GRXCR1: variants seen among roughly 807,000 people sequenced by gnomAD.
GRXCR1 encodes the protein glutaredoxin domain-containing cysteine-rich protein 1.
Under a neutral mutation model 27.3 loss-of-function variants are expected in GRXCR1, and 27 were observed. The ratio of observed to expected loss-of-function variants is 0.99; its 90% CI spans 0.73 to 1.37. The LOEUF is 1.37. Ranked by LOEUF, GRXCR1 falls within the 40% of genes most tolerant of loss-of-function variation. GRXCR1 has a pLI of 0.00. For synonymous variants in GRXCR1, 122 were observed against 131.1 expected, an observed-to-expected ratio of 0.93 and a Z score of 0.47; for missense variants, 379 against 354.4, an observed-to-expected ratio of 1.07 and a Z score of -0.56.
chr4:42,938,043 A>G (rs1033489435), intron 1 of GRXCR1, among the ~76,000 whole-genome samples: 1 of 151,930 alleles, frequency 6.6e-6, no homozygotes, highest in Non-Finnish European at 1.5e-5. Flanking sequence ...ATATTTTTGT[A>G]CTCACTGACC....
Position 42,903,308 on chromosome 4 carries a change from ATTTTTTTTTTTTTT to A in GRXCR1, c.384+9673_384+9686del, listed in dbSNP as rs35512711. 2.7e-4 allele frequency among the ~76,000 whole-genome samples: 17 copies of A among 63,228 alleles called. 2 individuals carry two copies. In the South Asian group the frequency reaches 0.013, roughly 48 times the overall value. 41.5% of individuals were successfully genotyped at this position (63,228 alleles called of 152,430 possible). ...AAAAATTTGGGCCACAGCTTTGTAG[ATTTTTTTTTTTTTT>A]TTTTTTTTTTTTTTAGACGGAGTCT... On this transcript the variant is annotated intron_variant, in intron 1 of 3. Coordinates refer to ENST00000399770, the MANE Select transcript of GRXCR1 (RefSeq NM_001080476.3).
chr4:42,979,510 T>A (rs544734556), intron 2 of GRXCR1, among the ~76,000 whole-genome samples: 3 of 152,062 alleles, frequency 2.0e-5, no homozygotes, highest in Non-Finnish European at 4.4e-5. Flanking sequence ...TCAATCATGG[T>A]GAATCTTTTC....
In GRXCR1 at chr4:42,902,173, A is replaced by G. The variant is rs2109738794; in HGVS notation, c.384+8523A>G. Among the ~76,000 whole-genome samples, 3 of 152,322 alleles carry G rather than the reference A, an allele frequency of 2.0e-5. No homozygotes were observed. The South Asian group carries it at 6.2e-4, about 32-fold the overall frequency. ...TGGCAAATTGTCAGTATAGAATAACACCAAGTGAGTCAAAAGAAATGAATT... is the reference window on the plus strand; with the variant it reads ...TGGCAAATTGTCAGTATAGAATAACGCCAAGTGAGTCAAAAGAAATGAATT... On this transcript the variant is annotated intron_variant, in intron 1 of 3. Transcript: ENST00000399770.
At chr4:42,914,774 T>A (rs1449115179) in intron 1 of GRXCR1, among the ~76,000 whole-genome samples, 1 of 152,110 alleles carries the variant, frequency 6.6e-6, no homozygotes, top group Non-Finnish European at 1.5e-5. Flanking sequence ...TTTGGCAGCA[T>A]ATATAATAAT....
At chr4:43,000,592 G>C (rs936121283) in intron 2 of GRXCR1, among the ~76,000 whole-genome samples, 1 of 151,608 alleles carries the variant, frequency 6.6e-6, no homozygotes, top group East Asian at 1.9e-4. Flanking sequence ...TGTGATGCTG[G>C]AATATTATTA....
chr4:42,979,752 T>C (rs947031787), intron 2 of GRXCR1, among the ~76,000 whole-genome samples: 8 of 152,052 alleles, frequency 5.3e-5, no homozygotes. Flanking sequence ...TTGGTGTTAG[T>C]TCTTTAAAAG....
intron 3 of GRXCR1, among the ~76,000 whole-genome samples, chr4:43,029,332 T>TTG (rs901819878): frequency 2.6e-5 from 4 of 152,000 alleles, no homozygotes; most frequent in East Asian, 1.9e-4. Flanking sequence ...GAGTATGTGT[T>TTG]TGTGTGTGTG....
intron 1 of GRXCR1, among the ~76,000 whole-genome samples, chr4:42,937,987 C>A (rs780304118): frequency 6.6e-6 from 1 of 151,916 alleles, no homozygotes; most frequent in Non-Finnish European, 1.5e-5. Context: ...ACTGCAGTCA[C>A]CCTGTTGTGC....
intron 1 of GRXCR1, among the ~76,000 whole-genome samples, chr4:42,911,869 A>G (rs1383161228): frequency 1.3e-5 from 2 of 152,186 alleles, no homozygotes; most frequent in African/African-American, 4.8e-5. Context: ...TACATTAAAA[A>G]TGGGGAAGTT....
intron 2 of GRXCR1, among the ~76,000 whole-genome samples, chr4:42,987,260 TAATATATATATATATATAGAGAGAG>T (rs1711794829): frequency 1.4e-5 from 1 of 73,266 alleles, no homozygotes; most frequent in East Asian, 3.4e-4. Flanking sequence ...TATATATATA[TAATATATATATATATATAGAGAGAG>T]AGAGAGAGAG....
At chr4:43,004,954 G>A (rs1269540460) in intron 2 of GRXCR1, among the ~76,000 whole-genome samples, 2 of 152,142 alleles carry the variant, frequency 1.3e-5, no homozygotes, top group African/African-American at 4.8e-5. Context: ...GGAGGGTTCA[G>A]GGGTGGAATG....
chr4:43,000,523 G>A (rs917287637), intron 2 of GRXCR1, among the ~76,000 whole-genome samples: 3 of 148,920 alleles, frequency 2.0e-5, no homozygotes, highest in Non-Finnish European at 4.4e-5. Context: ...TCATGGTATA[G>A]CAGTGCTTAT....
At chr4:42,949,312 C>G (rs972000653) in intron 1 of GRXCR1, among the ~76,000 whole-genome samples, 2 of 142,262 alleles carry the variant, frequency 1.4e-5, no homozygotes, top group East Asian at 2.1e-4. Flanking sequence ...GCTGAGATCA[C>G]GCCACTGCAC....
At chr4:42,933,878 CAAG>C (rs1266672460) in intron 1 of GRXCR1, among the ~76,000 whole-genome samples, 2 of 151,758 alleles carry the variant, frequency 1.3e-5, no homozygotes. Context: ...CACTCACCCC[CAAG>C]AAGGAGGAGC....
intron 2 of GRXCR1, among the ~76,000 whole-genome samples, chr4:42,985,486 G>A (rs777114393): frequency 6.6e-6 from 1 of 151,984 alleles, no homozygotes. Flanking sequence ...ATTTTAATAA[G>A]CATCTATTTC....
intron 2 of GRXCR1, among the ~76,000 whole-genome samples, chr4:42,972,544 T>C (rs1248569573): frequency 1.3e-5 from 2 of 152,172 alleles, no homozygotes; most frequent in African/African-American, 2.4e-5. Context: ...TAACTCAGGA[T>C]AGTTTTTAGT....
intron 1 of GRXCR1, among the ~76,000 whole-genome samples, chr4:42,952,798 G>A (rs1022417902): frequency 6.6e-6 from 1 of 152,112 alleles, no homozygotes; most frequent in African/African-American, 2.4e-5. Flanking sequence ...ACAGAGGGAA[G>A]CATCGAGAGA....
At chr4:42,972,190 TTAAC>T (rs1209865539) in intron 2 of GRXCR1, among the ~76,000 whole-genome samples, 1 of 152,146 alleles carries the variant, frequency 6.6e-6, no homozygotes, top group African/African-American at 2.4e-5. Flanking sequence ...TTTTTATTAT[TTAAC>T]TATGGAACTG....
At position 42,977,395 on chromosome 4, in the gene GRXCR1, C is replaced by T. The variant is rs188461741; in HGVS notation, c.627+14261C>T. On this transcript the variant is annotated intron_variant, in intron 2 of 3. Transcript: ENST00000399770. ...TTTAATTTTTTGAGGAATCTTTATA[C>T]CACTTACCATAATGGCTATGTTAAT... Among the ~76,000 whole-genome samples, 226 of 151,888 alleles carry T rather than the reference C, an allele frequency of 1.5e-3. 2 individuals are homozygous for T. Among genetic ancestry groups the T allele is most frequent in the Non-Finnish European group, 2.2e-3 (150 of 67,914 alleles).
Sources: allele counts gnomAD v4.1 joint callset (sites outside exome capture counted in the v4.1 genomes callset), GRCh38; gene constraint gnomAD v4.1.1; transcripts MANE v1.5; gene names NCBI Gene and HGNC (gene_info 2026-07-23, HGNC 2026-07-21).